POLR3H: variants seen among roughly 807,000 people sequenced by gnomAD.
POLR3H encodes the protein DNA-directed RNA polymerase III subunit RPC8.
POLR3H carries 17 observed loss-of-function variants against 25.5 expected under a neutral mutation model. That is an observed-to-expected ratio of 0.67 (90% CI 0.46 to 1.00). The LOEUF (loss-of-function observed/expected upper bound fraction) is 1.00, where lower values mean the gene tolerates loss of function less well. Among genes scored for constraint, POLR3H ranks in the 50% least tolerant of loss-of-function variants. The pLI, the probability that POLR3H is intolerant of heterozygous loss-of-function variation, is 0.00. For synonymous variants in POLR3H, 129 were observed against 103.0 expected (o/e 1.25, Z -1.53); for missense variants, 274 against 265.0 (o/e 1.03, Z -0.24).
rs78733689 is a variant in POLR3H at position 41,526,223 on chromosome 22, C to T, written c.*3060G>A. The T allele has an allele frequency of 6.3e-7, 1 of 1,585,230 alleles. No individual in the cohort carries two copies. The highest frequency in any genetic ancestry group is 8.6e-7 in the Non-Finnish European group (1 of 1,161,048). On this transcript the variant is annotated 3_prime_UTR_variant, in exon 6 of 6. Coordinates refer to ENST00000355209, the MANE Select transcript of POLR3H (RefSeq NM_001018050.4). Reference sequence around the variant, plus strand: ...GGGCTTGTCATCCACCCCTCCAGGGCCATGCCCTGACCTCTGTCCTCTCTA... The same window carrying T: ...GGGCTTGTCATCCACCCCTCCAGGGTCATGCCCTGACCTCTGTCCTCTCTA...
At chr22:41,541,844 C>T (rs1285298843) in intron 1 of POLR3H, among the ~76,000 whole-genome samples, 6 of 152,206 alleles carry the variant, frequency 3.9e-5, no homozygotes, top group Non-Finnish European at 8.8e-5. Context: ...TATCTAGCAA[C>T]CCCCAAATCA....
rs2066593383 is a variant in POLR3H at position 41,526,241 on chromosome 22, C to A, written c.*3042G>T. The A allele has an allele frequency of 6.2e-7, 1 of 1,606,786 alleles. No individual in the cohort carries two copies. Among genetic ancestry groups the A allele is most frequent in the Non-Finnish European group, 8.5e-7 (1 of 1,176,278 alleles). ...TCCAGGGCCATGCCCTGACCTCTGT[C>A]CTCTCTACTTACCACCCAAGGTCAA... On this transcript the variant is annotated 3_prime_UTR_variant, in exon 6 of 6. Coordinates refer to ENST00000355209, the MANE Select transcript of POLR3H (RefSeq NM_001018050.4).
chr22:41,539,059 G>C (rs169407), intron 2 of POLR3H: 2 of 152,180 alleles, frequency 1.3e-5, no homozygotes, highest in African/African-American at 2.4e-5. Flanking sequence ...TCAGGCGTTC[G>C]AGACCATTCT....
chr22:41,533,754 C>T, intron 2 of POLR3H: 1 of 1,291,850 alleles, frequency 7.7e-7, no homozygotes. Context: ...GCTGACCTCC[C>T]AGAGAGCAGA....
chr22:41,530,636 ACTCCGGCT>A, intron 5 of POLR3H, 43 bp downstream of exon 5: 1 of 1,523,268 alleles, frequency 6.6e-7, no homozygotes, highest in East Asian at 2.3e-5. Flanking sequence ...CCAGCCCTGC[ACTCCGGCT>A]CTCCCGCCTC....
At chr22:41,538,005 G>A (rs1224192700) in intron 2 of POLR3H, among the ~76,000 whole-genome samples, 1 of 146,820 alleles carries the variant, frequency 6.8e-6, no homozygotes, top group Non-Finnish European at 1.5e-5. Context: ...TCACCCTGTC[G>A]CCTAGGGTGG....
chr22:41,532,259 C>T (rs1476857733), intron 3 of POLR3H, 102 bp from the exon 4 acceptor site: 3 of 1,173,852 alleles, frequency 2.6e-6, no homozygotes, highest in East Asian at 2.4e-5. Flanking sequence ...CTGGGGCTGC[C>T]CACGAGGCGG....
chr22:41,527,488 C>A lies in POLR3H; in HGVS notation c.*1795G>T. On this transcript the variant is annotated 3_prime_UTR_variant, in exon 6 of 6. Coordinates refer to ENST00000355209, the MANE Select transcript of POLR3H (RefSeq NM_001018050.4). ...AGTGATCAAGGTCACTCTCCCTGCC[C>A]GTGGCTGAGTTGGGCCTGGTTCTAG... is the stretch of plus-strand genomic sequence containing the variant. 1 of 1,543,190 alleles carries A rather than the reference C, an allele frequency of 6.5e-7. No homozygotes were observed. The highest frequency in any genetic ancestry group is 8.7e-7 in the Non-Finnish European group (1 of 1,147,348).
chr22:41,540,942 C>G, intron 1 of POLR3H, 147 bp from the exon 2 acceptor site: 1 of 640,992 alleles, frequency 1.6e-6, no homozygotes, highest in Admixed American at 2.6e-5. Context: ...TGGAGGGGAC[C>G]AGGGTAAGGA....
Position 41,526,499 on chromosome 22 carries a change from G to A in POLR3H, c.*2784C>T. 2 of 1,569,376 alleles carry A rather than the reference G, an allele frequency of 1.3e-6. No homozygotes were observed. Among genetic ancestry groups the A allele is most frequent in the Non-Finnish European group, 1.7e-6 (2 of 1,152,900 alleles). On this transcript the variant is annotated 3_prime_UTR_variant, in exon 6 of 6. Transcript: ENST00000355209. ...GCAATGCCAGTGGTCACTCCTGAAG[G>A]GGCCTGCAAGGCAGGTGCAGGGAGG...
chr22:41,534,341 A>C (rs2066804096), intron 2 of POLR3H, among the ~76,000 whole-genome samples: 1 of 152,206 alleles, frequency 6.6e-6, no homozygotes, highest in Admixed American at 6.5e-5. Context: ...ACACAATGGA[A>C]TATTATGCAG....
rs181721377 is a variant in POLR3H at position 41,529,871 on chromosome 22, T to C, written c.562-535A>G. 3.2e-3 allele frequency among the ~76,000 whole-genome samples: 493 copies of C among 151,990 alleles called. 1 individual carries two copies. Among genetic ancestry groups the C allele is most frequent in the African/African-American group, 0.011 (464 of 41,452 alleles). On this transcript the variant is annotated intron_variant, in intron 5 of 5. Coordinates refer to ENST00000355209, the MANE Select transcript of POLR3H (RefSeq NM_001018050.4). Reference sequence around the variant, plus strand: ...CCCGGGTTCACACCATTCTCCTGCCTCAGCCTCCCAAGTAGCTGGGACTAC... The same window carrying C: ...CCCGGGTTCACACCATTCTCCTGCCCCAGCCTCCCAAGTAGCTGGGACTAC...
chr22:41,543,785 C>CT, intron 1 of POLR3H: 2 of 696,838 alleles, frequency 2.9e-6, no homozygotes, highest in Non-Finnish European at 5.4e-6. Context: ...ATTGTGGAAT[C>CT]TAACACTTCC....
chr22:41,540,792 C>T lies in POLR3H; in HGVS notation c.115G>A (p.Val39Met), dbSNP rs370405967. ...CAAATGCAGAGTCCCACGTTGTACA[C>T]GACCTGCATGCATACAAACACAGAC... ...ELNKKLANKV[V>M]YNVGLCICLF... Residue 39 changes from valine (V) to methionine (M), a missense_variant, in exon 2 of 6, where the codon GTG (valine) becomes ATG (methionine). Transcript: ENST00000355209. 12 of 1,612,220 alleles carry T rather than the reference C, an allele frequency of 7.4e-6. No homozygotes were observed. Among genetic ancestry groups the T allele is most frequent in the African/African-American group, 4.0e-5 (3 of 74,884 alleles).
In POLR3H at chr22:41,530,825, G is replaced by A; in HGVS notation, c.423C>T (p.Tyr141=). The A allele has an allele frequency of 6.2e-7, 1 of 1,614,086 alleles. No individual in the cohort carries two copies. The highest frequency in any genetic ancestry group is 1.1e-5 in the South Asian group (1 of 91,086). The change falls in exon 5 of 6, where the codon TAC becomes TAT. Residue 141 remains tyrosine (Y), a synonymous_variant. Transcript: ENST00000355209. ...YETEEGAHDL[Y]MDTGEEIRFR... Reference sequence around the variant, plus strand: ...AGCGGATCTCCTCGCCGGTGTCCATGTAGAGGTCGTGTGCTCCTTCCTCCG... The same window carrying A: ...AGCGGATCTCCTCGCCGGTGTCCATATAGAGGTCGTGTGCTCCTTCCTCCG...
chr22:41,531,971 G>A (rs1396971206), intron 4 of POLR3H, 123 bp downstream of exon 4: 6 of 807,216 alleles, frequency 7.4e-6, no homozygotes, highest in East Asian at 2.6e-5. Context: ...CACAGGCGAG[G>A]GGCAGGCACA....
intron 4 of POLR3H, among the ~76,000 whole-genome samples, chr22:41,531,821 C>G (rs1000382133): frequency 4.6e-5 from 7 of 152,226 alleles, no homozygotes; most frequent in African/African-American, 1.4e-4. Context: ...ATGGTGTCCC[C>G]CAGGACACCA....
chr22:41,534,977 C>T (rs1358550706), intron 2 of POLR3H, among the ~76,000 whole-genome samples: 1 of 151,932 alleles, frequency 6.6e-6, no homozygotes, highest in Non-Finnish European at 1.5e-5. Context: ...GGGAGGGGGC[C>T]CTCTCCTGCC....
chr22:41,539,562 T>C (rs1230595917), intron 2 of POLR3H: 2 of 152,374 alleles, frequency 1.3e-5, no homozygotes, highest in African/African-American at 4.8e-5. Context: ...GGTGATCACC[T>C]TCCATTCCTG....
Sources: allele counts gnomAD v4.1 joint callset (sites outside exome capture counted in the v4.1 genomes callset), GRCh38; gene constraint gnomAD v4.1.1; transcripts MANE v1.5; gene names NCBI Gene and HGNC (gene_info 2026-07-23, HGNC 2026-07-21).